The following ROBO2 variants were observed in gnomAD, a reference collection of about 807,000 sequenced individuals.
ROBO2 encodes the protein roundabout guidance receptor 2.
ROBO2 carries 53 observed loss-of-function variants against 160.8 expected under a neutral mutation model. That is an observed-to-expected ratio of 0.33 (90% CI 0.26 to 0.41). The LOEUF (loss-of-function observed/expected upper bound fraction) is 0.41, where lower values mean the gene tolerates loss of function less well. ROBO2 is among the 10% of genes least tolerant of loss of function. The pLI, the probability that ROBO2 is intolerant of heterozygous loss-of-function variation, is 1.00. For synonymous variants in ROBO2, 664 were observed against 611.7 expected (o/e 1.09, Z -1.26); for missense variants, 1,577 against 1,722.4 (o/e 0.92, Z 1.49).
intron 2 of ROBO2, among the ~76,000 whole-genome samples, chr3:77,302,262 T>C (rs993277904): frequency 1.3e-5 from 2 of 150,610 alleles, no homozygotes; most frequent in African/African-American, 4.9e-5. Flanking sequence ...TTCTCAATAA[T>C]AAAAAAAAAG....
At chr3:76,450,772 A>T (rs938573062) in intron 2 of ROBO2, among the ~76,000 whole-genome samples, 3 of 152,164 alleles carry the variant, frequency 2.0e-5, no homozygotes, top group African/African-American at 7.2e-5. Flanking sequence ...CAAATTTCAA[A>T]TGCTTGCATT....
At chr3:75,996,715 A>T (rs1390189942) in intron 2 of ROBO2, among the ~76,000 whole-genome samples, 1 of 152,170 alleles carries the variant, frequency 6.6e-6, no homozygotes, top group East Asian at 1.9e-4. Context: ...AAAGTAATGA[A>T]TATCTATTCT....
intron 2 of ROBO2, among the ~76,000 whole-genome samples, chr3:77,227,052 T>C: frequency 6.6e-6 from 1 of 152,192 alleles, no homozygotes; most frequent in Admixed American, 6.5e-5. Context: ...ACAAAAATGT[T>C]GCATCTTAAA....
chr3:77,296,614 C>A (rs148603106), intron 2 of ROBO2, among the ~76,000 whole-genome samples: 77 of 152,134 alleles, frequency 5.1e-4, no homozygotes, highest in African/African-American at 1.7e-3. Context: ...ACATTGAGAC[C>A]TTTAGAGTAT....
intron 2 of ROBO2, among the ~76,000 whole-genome samples, chr3:77,258,216 C>T (rs546004780): frequency 2.6e-5 from 4 of 152,200 alleles, no homozygotes; most frequent in Non-Finnish European, 4.4e-5. Flanking sequence ...GTATAAAGTT[C>T]GAGTGAAAGT....
chr3:75,981,308 A>C (rs2065266969), intron 2 of ROBO2, among the ~76,000 whole-genome samples: 1 of 151,436 alleles, frequency 6.6e-6, no homozygotes. Context: ...CAAGTTTTCC[A>C]TTTGTACAAA....
rs2091969986 is a variant in ROBO2, at chr3:76,665,127, C to G, written c.110-432887C>G. Among the ~76,000 whole-genome samples the G allele has an allele frequency of 3.3e-5, 5 of 152,214 alleles. No homozygotes were observed. The South Asian group carries it at 1.0e-3, about 32-fold the overall frequency. ...ATGGAAGTTATATATAAACTACTCTCTCTTTCCCCTCAATGTTTTCCTTTT... is the reference window on the plus strand; with the variant it reads ...ATGGAAGTTATATATAAACTACTCTGTCTTTCCCCTCAATGTTTTCCTTTT... On this transcript the variant is annotated intron_variant, in intron 2 of 26. Transcript: ENST00000487694.
Position 77,011,494 on chromosome 3 carries a change from A to G in ROBO2, c.110-86520A>G, listed in dbSNP as rs79572965. Reference sequence around the variant, plus strand: ...GAAACTGGTCCATTTGGACAGCATCAATAGCTTGGCTTCTGCTTGACTTTG... The same window carrying G: ...GAAACTGGTCCATTTGGACAGCATCGATAGCTTGGCTTCTGCTTGACTTTG... On this transcript the variant is annotated intron_variant, in intron 2 of 26. Coordinates refer to the ROBO2 transcript ENST00000487694. Among the ~76,000 whole-genome samples, 50 of 152,086 alleles carry G rather than the reference A, an allele frequency of 3.3e-4. No individual in the cohort carries two copies. In the East Asian group the frequency reaches 9.6e-3, roughly 29 times the overall value.
intron 2 of ROBO2, among the ~76,000 whole-genome samples, chr3:76,047,525 G>C (rs888520406): frequency 2.0e-5 from 3 of 152,182 alleles, no homozygotes; most frequent in Non-Finnish European, 4.4e-5. Context: ...AACCAGTCTT[G>C]CTTACCACCC....
chr3:75,987,186 C>T (rs1298892119), intron 2 of ROBO2, among the ~76,000 whole-genome samples: 1 of 151,756 alleles, frequency 6.6e-6, no homozygotes, highest in South Asian at 2.1e-4. Context: ...TTAAGTCTTC[C>T]AACACATGGA....
At chr3:77,429,610 GGGT>G (rs2153540347) in intron 2 of ROBO2, among the ~76,000 whole-genome samples, 1 of 95,110 alleles carries the variant, frequency 1.1e-5, no homozygotes. Flanking sequence ...GTAAAAAGCA[GGGT>G]TTTTTTTTTT....
chr3:76,753,519 G>C (rs1045572901), intron 2 of ROBO2, among the ~76,000 whole-genome samples: 3 of 151,706 alleles, frequency 2.0e-5, no homozygotes, highest in Admixed American at 1.3e-4. Flanking sequence ...TTTGTCAAAG[G>C]CTGATTTTGG....
intron 2 of ROBO2, among the ~76,000 whole-genome samples, chr3:76,955,875 A>T (rs1386534927): frequency 6.8e-6 from 1 of 146,564 alleles, no homozygotes; most frequent in East Asian, 2.0e-4. Context: ...CAGGTGTTGC[A>T]GTGAGACTCC....
intron 3 of ROBO2, among the ~76,000 whole-genome samples, chr3:77,479,019 G>A (rs191023508): frequency 6.6e-6 from 1 of 152,250 alleles, no homozygotes; most frequent in African/African-American, 2.4e-5. Context: ...TCAAAGAAAG[G>A]CTAGATGGTT....
chr3:77,472,799 A>G (rs2153581269), intron 2 of ROBO2, among the ~76,000 whole-genome samples: 1 of 152,302 alleles, frequency 6.6e-6, no homozygotes, highest in Non-Finnish European at 1.5e-5. Context: ...TACACCTGTT[A>G]GAAAAGCTGT....
At chr3:75,996,353 C>T (rs148526159) in intron 2 of ROBO2, among the ~76,000 whole-genome samples, 98 of 152,226 alleles carry the variant, frequency 6.4e-4, no homozygotes, top group African/African-American at 2.1e-3. Flanking sequence ...AAGCGTCTGG[C>T]GTTTCCCCTC....
chr3:77,057,859 G>A (rs953632282), intron 1 of ROBO2, among the ~76,000 whole-genome samples: 9 of 152,006 alleles, frequency 5.9e-5, no homozygotes, highest in East Asian at 1.9e-4. Flanking sequence ...GTGAGCCACC[G>A]CGTCCTGGCA....
intron 2 of ROBO2, among the ~76,000 whole-genome samples, chr3:76,929,304 C>T (rs770366174): frequency 2.6e-5 from 4 of 152,008 alleles, no homozygotes; most frequent in Non-Finnish European, 4.4e-5. Context: ...AACAGAGCTG[C>T]TGAGTTCTGC....
chr3:76,012,412 T>C (rs1018618003), intron 2 of ROBO2, among the ~76,000 whole-genome samples: 2 of 152,228 alleles, frequency 1.3e-5, no homozygotes, highest in Non-Finnish European at 2.9e-5. Flanking sequence ...ATGTTTTCTT[T>C]GGCTCACGCA....
Sources: allele counts gnomAD v4.1 joint callset (sites outside exome capture counted in the v4.1 genomes callset), GRCh38; gene constraint gnomAD v4.1.1; transcripts MANE v1.5; gene names NCBI Gene and HGNC (gene_info 2026-07-23, HGNC 2026-07-21).